Variants in DENND4C observed in about 807,000 individuals in gnomAD.
DENND4C encodes DENN domain containing 4C.
A neutral mutation model predicts 203.0 loss-of-function variants in DENND4C; 108 were observed. That is an observed-to-expected ratio of 0.53 (90% confidence interval 0.46 to 0.62). The LOEUF (loss-of-function observed/expected upper bound fraction) is 0.62, where lower values mean the gene tolerates loss of function less well. DENND4C is among the 20% of genes least tolerant of loss of function. The pLI is 0.00. For synonymous variants in DENND4C, 871 were observed against 792.4 expected, an observed-to-expected ratio of 1.10 and a Z score of -1.67; for missense variants, 2,481 against 2,301.2, an observed-to-expected ratio of 1.08 and a Z score of -1.60.
chr9:19,336,173 A>G lies in DENND4C; in HGVS notation c.2590-97A>G, dbSNP rs548525066. Reference sequence around the variant, plus strand: ...CCAGTATAACTTTTTATATTTGTGTATATATATATATAAACATACACACAC... The same window carrying G: ...CCAGTATAACTTTTTATATTTGTGTGTATATATATATAAACATACACACAC... On this transcript the variant is annotated intron_variant, in intron 18 of 32. Coordinates refer to ENST00000434457, the MANE Select transcript of DENND4C (RefSeq NM_001330640.2). The G allele has an allele frequency of 8.6e-5, 77 of 894,510 alleles. No homozygotes were observed. The East Asian group carries it at 1.9e-3, about 22-fold the overall frequency. The allele number at this position is 894,510 out of a possible 1,614,324, so 55.4% of individuals were successfully genotyped here.
chr9:19,324,320 C>T, intron 12 of DENND4C, 42 bp from the exon 13 acceptor site: 1 of 1,482,258 alleles, frequency 6.7e-7, no homozygotes, highest in South Asian at 1.2e-5. Context: ...ATATCGAATT[C>T]CAGTTTAAAA....
intron 2 of DENND4C, among the ~76,000 whole-genome samples, chr9:19,281,601 TGTTAA>T (rs1256550865): frequency 2.6e-5 from 4 of 152,350 alleles, no homozygotes; most frequent in African/African-American, 7.2e-5. Context: ...CTAGAAAAGA[TGTTAA>T]GTTAAAATAT....
At chr9:19,285,965 G>C (rs1835130944) in intron 2 of DENND4C, among the ~76,000 whole-genome samples, 1 of 152,134 alleles carries the variant, frequency 6.6e-6, no homozygotes, top group African/African-American at 2.4e-5. Flanking sequence ...TAGATGTGTG[G>C]TAGTTTTGAA....
At chr9:19,314,235 A>G (rs1271307350) in intron 10 of DENND4C, among the ~76,000 whole-genome samples, 1 of 152,142 alleles carries the variant, frequency 6.6e-6, no homozygotes, top group African/African-American at 2.4e-5. Context: ...CAGGCGGATC[A>G]CGAGGTCAGG....
intron 27 of DENND4C, chr9:19,357,441 T>C (rs1825664890): frequency 3.1e-6 from 1 of 327,156 alleles, no homozygotes; most frequent in Non-Finnish European, 5.7e-6. Flanking sequence ...GGCGAAATGT[T>C]CTCTTTCTGT....
At chr9:19,260,866 C>T (rs536891395) in intron 1 of DENND4C, among the ~76,000 whole-genome samples, 6 of 152,158 alleles carry the variant, frequency 3.9e-5, no homozygotes, top group South Asian at 2.1e-4. Flanking sequence ...CTTTTGGGGT[C>T]GTAATCAAGA....
intron 30 of DENND4C, among the ~76,000 whole-genome samples, chr9:19,363,100 G>A (rs1235191845): frequency 1.3e-5 from 2 of 152,248 alleles, no homozygotes; most frequent in African/African-American, 4.8e-5. Flanking sequence ...GCCTCTCTTT[G>A]GCCTGTAGAT....
chr9:19,357,285 C>T (rs1825639160), intron 27 of DENND4C, 131 bp downstream of exon 27: 4 of 619,724 alleles, frequency 6.5e-6, no homozygotes, highest in Non-Finnish European at 1.1e-5. Flanking sequence ...TAACTTATTA[C>T]CACATAGTGT....
Position 19,288,608 on chromosome 9 carries a change from G to C in DENND4C, c.571G>C (p.Val191Leu). Reference sequence around the variant, plus strand: ...TCATGTTTTACAGTGGGGTTCCAGCGTGTTTCTGTGTTATAAGAAGTCTGT... The same window carrying C: ...TCATGTTTTACAGTGGGGTTCCAGCCTGTTTCTGTGTTATAAGAAGTCTGT... ...NLNCGMWGSS[V>L]FLCYKKSVPA... The change falls in exon 4 of 33, where the codon GTG becomes CTG. Residue 191 changes from valine (V) to leucine (L), a missense_variant. Val to Leu is a conservative substitution (Grantham distance 32). Transcript: ENST00000434457. 1 of 1,231,512 alleles carries C rather than the reference G, an allele frequency of 8.1e-7. No individual in the cohort carries two copies. Among genetic ancestry groups the C allele is most frequent in the Non-Finnish European group, 1.0e-6 (1 of 987,696 alleles). The allele number at this position is 1,231,512 out of a possible 1,614,324, so 76.3% of individuals were successfully genotyped here.
intron 23 of DENND4C, 74 bp from the exon 24 acceptor site, chr9:19,350,628 A>G: frequency 7.8e-7 from 1 of 1,281,532 alleles, no homozygotes; most frequent in Admixed American, 2.6e-5. Flanking sequence ...TAATTTTGAA[A>G]AGGGTAGAGT....
intron 12 of DENND4C, among the ~76,000 whole-genome samples, chr9:19,319,802 A>G (rs554834999): frequency 1.3e-5 from 2 of 152,292 alleles, no homozygotes; most frequent in Non-Finnish European, 2.9e-5. Context: ...GAAGGAAAGT[A>G]TTGGTTACAG....
intron 10 of DENND4C, among the ~76,000 whole-genome samples, chr9:19,315,564 T>TGTATATATATAC (rs1841669054): frequency 6.6e-6 from 1 of 151,378 alleles, no homozygotes; most frequent in Non-Finnish European, 1.5e-5. Context: ...TATATGTATG[T>TGTATATATATAC]GTGTATATAT....
At chr9:19,318,352 A>G (rs1035039051) in intron 12 of DENND4C, among the ~76,000 whole-genome samples, 1 of 152,118 alleles carries the variant, frequency 6.6e-6, no homozygotes, top group African/African-American at 2.4e-5. Context: ...AAATAAATAA[A>G]TAAAGTTTTC....
chr9:19,332,475 C>T (rs1396440819), intron 17 of DENND4C, among the ~76,000 whole-genome samples: 4 of 151,382 alleles, frequency 2.6e-5, no homozygotes, highest in East Asian at 1.9e-4. Context: ...TTGTGCCTCC[C>T]GAGTAGCTGG....
chr9:19,286,321 A>C (rs886741821), intron 2 of DENND4C, among the ~76,000 whole-genome samples: 1 of 152,072 alleles, frequency 6.6e-6, no homozygotes, highest in Non-Finnish European at 1.5e-5. Flanking sequence ...TCAGCTCTTT[A>C]ATTTCTTTAA....
At chr9:19,351,991 C>A in intron 24 of DENND4C, 82 bp from the exon 25 acceptor site, 1 of 1,075,196 alleles carries the variant, frequency 9.3e-7, no homozygotes, top group Non-Finnish European at 1.4e-6. Flanking sequence ...TATTCTGTGT[C>A]CCCCCTAAAT....
intron 1 of DENND4C, among the ~76,000 whole-genome samples, chr9:19,246,469 C>T (rs10811148): frequency 0.5 from 76,014 of 151,954 alleles, 19,790 homozygotes; most frequent in South Asian, 0.58. Flanking sequence ...GATGAGGTCT[C>T]GCTATGTCAA....
intron 1 of DENND4C, among the ~76,000 whole-genome samples, chr9:19,234,928 A>G (rs2131344606): frequency 1.3e-5 from 2 of 151,608 alleles, no homozygotes; most frequent in East Asian, 3.9e-4. Flanking sequence ...TTACTTTTTG[A>G]AATTTTGGGA....
intron 1 of DENND4C, among the ~76,000 whole-genome samples, chr9:19,263,779 C>T (rs537566930): frequency 4.6e-5 from 7 of 151,994 alleles, no homozygotes; most frequent in African/African-American, 7.2e-5. Flanking sequence ...CTCAGCCTCC[C>T]GAGTAGCTGG....
Sources: gnomAD v4.1 joint callset for allele counts (sites outside exome capture counted in the v4.1 genomes callset) on GRCh38, gnomAD v4.1.1 for gene constraint, MANE v1.5 for transcripts, NCBI Gene and HGNC (gene_info 2026-07-23, HGNC 2026-07-21) for gene names.